Variants in CASD1 observed in about 807,000 individuals in gnomAD.
The protein encoded by CASD1 is CAS1 domain sialic acid O acetyltransferase 1, also known as N-acetylneuraminate (7)9-O-acetyltransferase.
Under a neutral mutation model 100.0 loss-of-function variants are expected in CASD1, and 41 were observed. The observed-to-expected ratio is 0.41, with a 90% CI of 0.32 to 0.53. The LOEUF (loss-of-function observed/expected upper bound fraction) is 0.53, where lower values mean the gene tolerates loss of function less well. Ranked by LOEUF, CASD1 falls within the 20% of genes least tolerant of loss-of-function variation. The pLI, the probability that CASD1 is intolerant of heterozygous loss-of-function variation, is 0.25. For missense variants in CASD1, 774 were observed against 948.7 expected (o/e 0.82, Z 2.42); for synonymous variants, 321 against 315.6 (o/e 1.02, Z -0.18).
the CASD1 span, among the ~76,000 whole-genome samples, chr7:94,615,788 C>G: frequency 6.6e-6 from 1 of 152,174 alleles, no homozygotes; most frequent in Admixed American, 6.5e-5. Context: ...CACTACATCA[C>G]TCGCCTGTGG....
intron 5 of CASD1, among the ~76,000 whole-genome samples, chr7:94,532,829 C>G (rs1015898313): frequency 6.6e-6 from 1 of 152,004 alleles, no homozygotes; most frequent in Non-Finnish European, 1.5e-5. Context: ...CACTGTGTAC[C>G]CTGTAGGCTT....
the CASD1 span, chr7:94,620,628 A>G: frequency 6.6e-6 from 1 of 152,246 alleles, no homozygotes; most frequent in African/African-American, 2.4e-5. Flanking sequence ...GAAGTCTAAA[A>G]TCTATTCATT....
At chr7:94,585,059 A>C in the CASD1 span, 2 of 160,826 alleles carry the variant, frequency 1.2e-5, no homozygotes, top group Non-Finnish European at 2.7e-5. Context: ...GTATTATTTA[A>C]ATGGGTTGCT....
chr7:94,608,017 C>T, the CASD1 span, among the ~76,000 whole-genome samples: 134 of 152,092 alleles, frequency 8.8e-4, no homozygotes, highest in Non-Finnish European at 1.6e-3. Context: ...CCATCACTTT[C>T]CTATATACCA....
chr7:94,540,178 A>T (rs1306683954), intron 10 of CASD1, among the ~76,000 whole-genome samples: 2 of 152,198 alleles, frequency 1.3e-5, no homozygotes, highest in African/African-American at 4.8e-5. Flanking sequence ...CACTTTTCAC[A>T]CAAGTTTTTA....
chr7:94,545,168 GGT>G (rs1795614999), intron 11 of CASD1, among the ~76,000 whole-genome samples: 1 of 151,934 alleles, frequency 6.6e-6, no homozygotes, highest in Non-Finnish European at 1.5e-5. Context: ...TCCCAAATGG[GGT>G]AAGTCAACAT....
At chr7:94,620,108 A>G in the CASD1 span, 4 of 152,356 alleles carry the variant, frequency 2.6e-5, no homozygotes, top group African/African-American at 4.8e-5. Context: ...AAATTCATGT[A>G]TCTGTAAGAT....
chr7:94,587,933 C>T, the CASD1 span: 2 of 1,429,260 alleles, frequency 1.4e-6, no homozygotes, highest in Admixed American at 6.8e-5. Flanking sequence ...CACAATGCCG[C>T]TATTCATACT....
chr7:94,555,006 T>C (rs143663974), intron 17 of CASD1, among the ~76,000 whole-genome samples: 2,055 of 152,104 alleles, frequency 0.014, 43 homozygotes, highest in African/African-American at 0.047. Context: ...CTTATTATGA[T>C]TGGAAATTGT....
chr7:94,565,766 T>G, the CASD1 span, among the ~76,000 whole-genome samples: 1 of 152,154 alleles, frequency 6.6e-6, no homozygotes, highest in Non-Finnish European at 1.5e-5. Context: ...ACCATATACA[T>G]TCTCAGACCA....
At chr7:94,513,789 C>G (rs1356845630) in intron 1 of CASD1, among the ~76,000 whole-genome samples, 1 of 152,132 alleles carries the variant, frequency 6.6e-6, no homozygotes, top group Non-Finnish European at 1.5e-5. Context: ...ATTTCAAAGT[C>G]CTTATTTCCT....
chr7:94,522,474 T>A (rs1276293699), intron 3 of CASD1, among the ~76,000 whole-genome samples: 1 of 152,180 alleles, frequency 6.6e-6, no homozygotes, highest in Admixed American at 6.5e-5. Context: ...AATTCTCACT[T>A]ACAGTGGGAG....
At chr7:94,633,080 T>C in the CASD1 span, among the ~76,000 whole-genome samples, 1 of 152,058 alleles carries the variant, frequency 6.6e-6, no homozygotes, top group Non-Finnish European at 1.5e-5. Flanking sequence ...TACAGTGCCA[T>C]GCTAATCAAG....
At chr7:94,605,488 CTT>C in the CASD1 span, among the ~76,000 whole-genome samples, 7 of 150,494 alleles carry the variant, frequency 4.7e-5, no homozygotes, top group African/African-American at 1.7e-4. Flanking sequence ...TTTATATACA[CTT>C]ATAGATAAGC....
the CASD1 span, chr7:94,627,885 T>C: frequency 3.6e-6 from 1 of 280,118 alleles, no homozygotes; most frequent in Non-Finnish European, 6.9e-6. Flanking sequence ...GAATTCAAAA[T>C]ACAGAGCAAA....
the CASD1 span, chr7:94,628,230 T>TCAG: frequency 1.9e-6 from 3 of 1,612,020 alleles, no homozygotes; most frequent in Non-Finnish European, 2.5e-6. Flanking sequence ...CCCCACATTT[T>TCAG]CAGCTGTTGG....
the CASD1 span, chr7:94,617,476 C>T: frequency 2.6e-5 from 4 of 152,238 alleles, no homozygotes; most frequent in East Asian, 7.7e-4. Context: ...TTTAAAAACC[C>T]CATATTTGGA....
chr7:94,579,033 A>G, the CASD1 span, among the ~76,000 whole-genome samples: 521 of 152,094 alleles, frequency 3.4e-3, 17 homozygotes, highest in Admixed American at 0.031. Context: ...TCTGTCAGCA[A>G]ATATTTACTT....
the CASD1 span, chr7:94,623,520 C>G: frequency 2.9e-6 from 2 of 679,058 alleles, no homozygotes; most frequent in Non-Finnish European, 5.2e-6. Flanking sequence ...GATATACTTA[C>G]AAAATATTCC....
Sources: gnomAD v4.1 joint callset for allele counts (sites outside exome capture counted in the v4.1 genomes callset) on GRCh38, gnomAD v4.1.1 for gene constraint, MANE v1.5 for transcripts, NCBI Gene and HGNC (gene_info 2026-07-23, HGNC 2026-07-21) for gene names.